NARS2: variants seen among roughly 807,000 people sequenced by gnomAD.
NARS2 encodes asparaginyl-tRNA synthetase.
A neutral mutation model predicts 62.9 loss-of-function variants in NARS2; 60 were observed. The observed-to-expected ratio is 0.95, with a 90% CI of 0.77 to 1.18. The LOEUF (loss-of-function observed/expected upper bound fraction) is 1.18, where lower values mean the gene tolerates loss of function less well. NARS2 is among the 50% of genes most tolerant of loss of function. The probability of loss-of-function intolerance (pLI) is 0.00; values close to 1 mark genes in which losing one functional copy is unlikely to be tolerated. For synonymous variants in NARS2, 196 were observed against 200.0 expected (o/e 0.98, Z 0.17); for missense variants, 619 against 576.4 (o/e 1.07, Z -0.76).
chr11:78,499,205 C>T (rs1400984950), intron 6 of NARS2, among the ~76,000 whole-genome samples: 4 of 152,200 alleles, frequency 2.6e-5, no homozygotes, highest in East Asian at 3.9e-4. Context: ...CGTGAGCCAC[C>T]GCGCCCGGCC....
At chr11:78,509,015 T>C (rs1260327947) in intron 6 of NARS2, among the ~76,000 whole-genome samples, 1 of 149,830 alleles carries the variant, frequency 6.7e-6, no homozygotes, top group African/African-American at 2.5e-5. Flanking sequence ...CTCAAGAGAC[T>C]GAAGCAGGAG....
At chr11:78,573,873 T>C (rs143116603) in intron 1 of NARS2, among the ~76,000 whole-genome samples, 2,670 of 152,326 alleles carry the variant, frequency 0.018, 35 homozygotes, top group Non-Finnish European at 0.027. Context: ...TCCGAATTCA[T>C]TAAAAATAAA....
At chr11:78,491,711 A>T (rs1402798707) in intron 7 of NARS2, among the ~76,000 whole-genome samples, 1 of 152,110 alleles carries the variant, frequency 6.6e-6, no homozygotes, top group Non-Finnish European at 1.5e-5. Flanking sequence ...GTTCAATGTG[A>T]CTTTCTTCCT....
chr11:78,508,176 G>C (rs1458291729), intron 6 of NARS2, among the ~76,000 whole-genome samples: 1 of 152,040 alleles, frequency 6.6e-6, no homozygotes, highest in African/African-American at 2.4e-5. Context: ...TAAGACAATG[G>C]AAATTATGGA....
chr11:78,548,775 A>G (rs1855974884), intron 5 of NARS2, among the ~76,000 whole-genome samples: 1 of 152,150 alleles, frequency 6.6e-6, no homozygotes, highest in Non-Finnish European at 1.5e-5. Flanking sequence ...CCTCAGTGAA[A>G]TGCGTAAATG....
intron 6 of NARS2, among the ~76,000 whole-genome samples, chr11:78,497,189 A>G (rs973897934): frequency 6.6e-6 from 1 of 150,736 alleles, no homozygotes; most frequent in African/African-American, 2.4e-5. Flanking sequence ...TTCAATACAC[A>G]TCAACCTAGA....
chr11:78,526,317 A>G (rs566226794), intron 6 of NARS2, among the ~76,000 whole-genome samples: 106 of 152,256 alleles, frequency 7.0e-4, no homozygotes, highest in Non-Finnish European at 1.2e-3. Context: ...AAACCCACTA[A>G]AGCAACAGAG....
intron 9 of NARS2, among the ~76,000 whole-genome samples, chr11:78,472,105 C>A (rs575703646): frequency 6.6e-6 from 1 of 152,256 alleles, no homozygotes; most frequent in South Asian, 2.1e-4. Flanking sequence ...CCACGTCTTC[C>A]ACTCCACTCC....
chr11:78,450,800 G>A (rs920843673), intron 11 of NARS2, among the ~76,000 whole-genome samples: 6 of 149,652 alleles, frequency 4.0e-5, no homozygotes, highest in Admixed American at 6.7e-5. Context: ...TCAGCCTCCC[G>A]AGTAGCTGGT....
intron 7 of NARS2, among the ~76,000 whole-genome samples, chr11:78,491,415 C>G (rs1859814655): frequency 2.0e-5 from 3 of 152,220 alleles, no homozygotes; most frequent in Admixed American, 2.0e-4. Context: ...GCCAAGTGCC[C>G]TATATGGGAA....
At chr11:78,510,001 A>T (rs1860659528) in intron 6 of NARS2, among the ~76,000 whole-genome samples, 1 of 152,152 alleles carries the variant, frequency 6.6e-6, no homozygotes, top group African/African-American at 2.4e-5. Context: ...AAAGAAAATA[A>T]GAAAGAAATT....
intron 13 of NARS2, among the ~76,000 whole-genome samples, chr11:78,437,610 G>A (rs892995540): frequency 6.6e-6 from 1 of 152,134 alleles, no homozygotes; most frequent in Non-Finnish European, 1.5e-5. Context: ...GAAGAAAAGA[G>A]GAAAAGGGCA....
intron 7 of NARS2, among the ~76,000 whole-genome samples, chr11:78,482,723 C>G (rs965305642): frequency 1.3e-5 from 2 of 152,154 alleles, no homozygotes; most frequent in African/African-American, 4.8e-5. Flanking sequence ...AGACCAATAA[C>G]AAGTTCTGAA....
At chr11:78,455,174 T>C (rs1858114204) in intron 11 of NARS2, among the ~76,000 whole-genome samples, 6 of 152,206 alleles carry the variant, frequency 3.9e-5, no homozygotes, top group Admixed American at 3.9e-4. Flanking sequence ...CTCTCTGTTT[T>C]TTACTGGATA....
At chr11:78,468,310 G>GAAAAAAAAAAAAAAAAAAAAAAAAAAA (rs764254167) in intron 10 of NARS2, among the ~76,000 whole-genome samples, 23 of 67,424 alleles carry the variant, frequency 3.4e-4, no homozygotes, top group African/African-American at 1.3e-3. Context: ...CACTAAATCT[G>GAAAAAAAAAAAAAAAAAAAAAAAAAAA]AAAAAAAAAA....
At position 78,525,987 on chromosome 11, in the gene NARS2, T is replaced by C. The variant is rs73506939; in HGVS notation, c.689+2855A>G. Among the ~76,000 whole-genome samples the C allele has an allele frequency of 5.4e-3, 824 of 152,166 alleles. 6 individuals carry two copies. Among genetic ancestry groups the C allele is most frequent in the African/African-American group, 0.019 (792 of 41,522 alleles). ...TCGTAAAAAAGAAAAATTGAGAAAC[T>C]GTAATAGAATGGAAGAGACTGGGGA... On this transcript the variant is annotated intron_variant, in intron 6 of 13. Transcript: ENST00000281038.
At position 78,444,662 on chromosome 11, in the gene NARS2, C is replaced by T. The variant is rs537289474; in HGVS notation, c.1165-904G>A. Among the ~76,000 whole-genome samples the T allele has an allele frequency of 1.6e-4, 23 of 145,340 alleles. 1 individual carries two copies. The highest frequency in any genetic ancestry group is 8.9e-5 in the Non-Finnish European group (6 of 67,120). On this transcript the variant is annotated intron_variant, in intron 11 of 13. Transcript: ENST00000281038. ...TAAACCCAGGAGGTGGAGGTCACAG[C>T]GAGCCAAGATTGCACCACTGCATTC...
At chr11:78,486,993 C>T (rs911742291) in intron 7 of NARS2, among the ~76,000 whole-genome samples, 1 of 151,742 alleles carries the variant, frequency 6.6e-6, no homozygotes, top group Non-Finnish European at 1.5e-5. Flanking sequence ...ATAATGAAGA[C>T]AAAAGAAGAA....
At chr11:78,514,295 T>C (rs1248108132) in intron 6 of NARS2, among the ~76,000 whole-genome samples, 1 of 152,086 alleles carries the variant, frequency 6.6e-6, no homozygotes, top group South Asian at 2.1e-4. Context: ...CTAAGTTTTG[T>C]ATTTTTTGCA....
Sources: gnomAD v4.1 joint callset for allele counts (sites outside exome capture counted in the v4.1 genomes callset) on GRCh38, gnomAD v4.1.1 for gene constraint, MANE v1.5 for transcripts, NCBI Gene and HGNC (gene_info 2026-07-23, HGNC 2026-07-21) for gene names.